The following PGPEP1 variants were observed in gnomAD, a reference collection of about 807,000 sequenced individuals.
PGPEP1 encodes pyroglutamyl-peptidase 1.
A neutral mutation model predicts 24.1 loss-of-function variants in PGPEP1; 15 were observed. The observed-to-expected ratio is 0.62, with a 90% CI of 0.42 to 0.96. The LOEUF (loss-of-function observed/expected upper bound fraction) is 0.96, where lower values mean the gene tolerates loss of function less well. Ranked by LOEUF, PGPEP1 falls within the 40% of genes least tolerant of loss-of-function variation. PGPEP1 has a pLI of 0.00. For synonymous variants in PGPEP1, 122 were observed against 116.4 expected (o/e 1.05, Z -0.31); for missense variants, 242 against 273.4 (o/e 0.89, Z 0.81).
Position 18,357,451 on chromosome 19 carries a change from G to A in PGPEP1, c.273G>A (p.Lys91=). 3.1e-6 allele frequency: 5 copies of A among 1,614,022 alleles called. No individual in the cohort carries two copies. Among genetic ancestry groups the A allele is most frequent in the Non-Finnish European group, 4.2e-6 (5 of 1,179,976 alleles). The stretch of plus-strand genomic sequence containing the variant: ...CACTGGAGAAATGTGGACACAACAA[G>A]GGCTACAAGGGGCTGGACAACTGCC... ...TVTLEKCGHN[K]GYKGLDNCRF... The change falls in exon 4 of 5, where the codon AAG becomes AAA. Residue 91 remains lysine, a synonymous_variant. Transcript: ENST00000269919.
In PGPEP1 at chr19:18,363,401, G is replaced by A. The variant is rs1377019926; in HGVS notation, c.448G>A (p.Asp150Asn). 1.0e-5 allele frequency: 16 copies of A among 1,607,372 alleles called. No individual in the cohort carries two copies. The highest frequency in any genetic ancestry group is 1.2e-5 in the Non-Finnish European group (14 of 1,174,466). The change falls in exon 5 of 5, where the codon GAC becomes AAC. Residue 150 changes from aspartate to asparagine, a missense_variant. Physicochemically the swap from Asp to Asn is conservative, Grantham distance 23. Coordinates refer to ENST00000269919, the MANE Select transcript of PGPEP1 (RefSeq NM_017712.4). ...CGCCCTGCGGCTTAGATATCTCTGC[G>A]ACTTTACCTACTACACCTCTTTGTA... ...ISQDAGRYLC[D>N]FTYYTSLYQS...
intron 4 of PGPEP1, chr19:18,358,086 G>A: frequency 5.4e-6 from 1 of 186,656 alleles, no homozygotes; most frequent in Non-Finnish European, 1.1e-5. Context: ...TCTGTCCCAG[G>A]CCTCTCTCCT....
Position 18,357,523 on chromosome 19 carries a change from C to G in PGPEP1, c.345C>G (p.Ser115Arg). ...SQCCVEDGPE[S>R]IDSIIDMDAV... ...GCTGCGTGGAGGACGGGCCTGAAAG[C>G]ATTGACTCCATCATCGACATGGATG... Residue 115 changes from serine to arginine, a missense_variant, in exon 4 of 5, where the codon AGC becomes AGG. By Grantham distance (110) the Ser-to-Arg change is moderately radical (BLOSUM62 -1). Coordinates refer to ENST00000269919, the MANE Select transcript of PGPEP1 (RefSeq NM_017712.4). 1 of 1,613,452 alleles carries G rather than the reference C, an allele frequency of 6.2e-7. No individual in the cohort carries two copies. The highest frequency in any genetic ancestry group is 8.5e-7 in the Non-Finnish European group (1 of 1,179,722).
rs911325084 is a variant in PGPEP1, at chr19:18,364,340, G to C, written c.*757G>C. On this transcript the variant is annotated 3_prime_UTR_variant, in exon 5 of 5. Transcript: ENST00000269919. ...TTAAGATGCCATGTCTTGGCCAGGC[G>C]CAGTGGCTCATGCCTGTAATCCCAG... The C allele has an allele frequency of 3.3e-5, 5 of 151,876 alleles. No homozygotes were observed. The highest frequency in any genetic ancestry group is 1.2e-4 in the African/African-American group (5 of 41,310). 9.4% of individuals were successfully genotyped at this position (151,876 alleles called of 1,614,324 possible).
chr19:18,346,937 G>T (rs1970865575), intron 2 of PGPEP1, among the ~76,000 whole-genome samples: 1 of 151,734 alleles, frequency 6.6e-6, no homozygotes, highest in African/African-American at 2.4e-5. Context: ...ACCGCACCCG[G>T]CTGTTTCTCT....
chr19:18,345,510 GC>G (rs906310624), intron 2 of PGPEP1, among the ~76,000 whole-genome samples: 5 of 151,594 alleles, frequency 3.3e-5, no homozygotes, highest in Non-Finnish European at 5.9e-5. Flanking sequence ...GGAGGCTGAG[GC>G]AAGGAGTTCG....
intron 2 of PGPEP1, among the ~76,000 whole-genome samples, chr19:18,353,449 A>G (rs1435280288): frequency 6.6e-6 from 1 of 151,992 alleles, no homozygotes; most frequent in African/African-American, 2.4e-5. Flanking sequence ...GGCTAAAGCA[A>G]TCCTCCTGCC....
At chr19:18,351,455 T>A (rs1421065929) in intron 2 of PGPEP1, among the ~76,000 whole-genome samples, 1 of 150,846 alleles carries the variant, frequency 6.6e-6, no homozygotes, top group Non-Finnish European at 1.5e-5. Context: ...AGAAACCCTG[T>A]CTCTACTAAA....
In PGPEP1 at chr19:18,367,543, C is replaced by G. The variant is rs765523261; in HGVS notation, c.*3960C>G. On this transcript the variant is annotated 3_prime_UTR_variant, in exon 5 of 5. Coordinates refer to ENST00000269919, the MANE Select transcript of PGPEP1 (RefSeq NM_017712.4). ...GCGCACTTTTATTCCTTTATTCGGC[C>G]CCTAGCACCCCCTCCCCACCCCAAA... 1 of 151,930 alleles carries G rather than the reference C, an allele frequency of 6.6e-6. No homozygotes were observed. Among genetic ancestry groups the G allele is most frequent in the Non-Finnish European group, 1.5e-5 (1 of 68,032 alleles). The allele number at this position is 151,930 out of a possible 1,614,324, so 9.4% of individuals were successfully genotyped here. A position where few individuals can be genotyped will look rare whatever the true frequency, so the allele number is the denominator to read the frequency against.
At position 18,367,842 on chromosome 19, in the gene PGPEP1, A is replaced by AG; in HGVS notation, c.*4263dup. 2 of 152,196 alleles carry AG rather than the reference A, an allele frequency of 1.3e-5. No homozygotes were observed. Among genetic ancestry groups the AG allele is most frequent in the South Asian group, 4.1e-4 (2 of 4,824 alleles). 9.4% of individuals were successfully genotyped at this position (152,196 alleles called of 1,614,324 possible). The stretch of plus-strand genomic sequence containing the variant: ...AGATGGCAGTAGTTTCTCGGCAAGG[A>AG]GGGGAATCCTGGAGATGGTTCATGT... On this transcript the variant is annotated 3_prime_UTR_variant, in exon 5 of 5. Coordinates refer to ENST00000269919, the MANE Select transcript of PGPEP1 (RefSeq NM_017712.4).
Position 18,355,965 on chromosome 19 carries a change from C to T in PGPEP1, c.158C>T (p.Thr53Ile), listed in dbSNP as rs753919805. Residue 53 changes from threonine (T) to isoleucine (I), a missense_variant, in exon 3 of 5, where the codon ACA becomes ATA. Thr to Ile is a moderately conservative substitution (Grantham distance 89). Coordinates refer to ENST00000269919, the MANE Select transcript of PGPEP1 (RefSeq NM_017712.4). ...TACGAGATTCCGGTTGAGTACCAAA[C>T]AGTCCAGAGACTCATCCCCGCCCTG... ...HVYEIPVEYQ[T>I]VQRLIPALWE... 6.2e-7 allele frequency: 1 copy of T among 1,613,598 alleles called. No homozygotes were observed. Among genetic ancestry groups the T allele is most frequent in the South Asian group, 1.1e-5 (1 of 91,072 alleles).
intron 4 of PGPEP1, chr19:18,361,690 C>A: frequency 1.0e-6 from 1 of 979,028 alleles, no homozygotes; most frequent in Non-Finnish European, 1.2e-6. Flanking sequence ...TTTTCCATAG[C>A]GGTCCCTCTG....
Position 18,365,113 on chromosome 19 carries a change from C to T in PGPEP1, c.*1530C>T, listed in dbSNP as rs958838607. ...TATCTCACTTCCTGGTAACCTTGAA[C>T]TTACCAGGCAGGGATGAGATGACGT... On this transcript the variant is annotated 3_prime_UTR_variant, in exon 5 of 5. Transcript: ENST00000269919. 1 of 152,174 alleles carries T rather than the reference C, an allele frequency of 6.6e-6. No homozygotes were observed. Among genetic ancestry groups the T allele is most frequent in the African/African-American group, 2.4e-5 (1 of 41,424 alleles). 9.4% of individuals were successfully genotyped at this position (152,174 alleles called of 1,614,324 possible). A position where few individuals can be genotyped will look rare whatever the true frequency, so the allele number is the denominator to read the frequency against.
chr19:18,364,983 A>T lies in PGPEP1; in HGVS notation c.*1400A>T, dbSNP rs901812544. 6.6e-6 allele frequency: 1 copy of T among 151,962 alleles called. No homozygotes were observed. The highest frequency in any genetic ancestry group is 6.6e-5 in the Admixed American group (1 of 15,230). 9.4% of individuals were successfully genotyped at this position (151,962 alleles called of 1,614,324 possible). ...GGGGCGCGGGGGCTGGAGTTGGCAG[A>T]GCTCTGCATGTCCCGGCATGTCTGA... On this transcript the variant is annotated 3_prime_UTR_variant, in exon 5 of 5. Transcript: ENST00000269919.
At chr19:18,363,291 T>G in intron 4 of PGPEP1, 100 bp from the exon 5 acceptor site, 1 of 903,078 alleles carries the variant, frequency 1.1e-6, no homozygotes. Flanking sequence ...GCTGGTAAGG[T>G]CTTCCCTTGG....
intron 4 of PGPEP1, among the ~76,000 whole-genome samples, chr19:18,361,504 C>T (rs564528834): frequency 2.8e-4 from 42 of 152,020 alleles, no homozygotes; most frequent in Admixed American, 2.6e-3. Context: ...AGGCTGGTCT[C>T]GAACTCATGG....
chr19:18,341,911 A>AT (rs113532652), intron 1 of PGPEP1, among the ~76,000 whole-genome samples: 9,786 of 144,592 alleles, frequency 0.068, 1,010 homozygotes, highest in African/African-American at 0.22. Context: ...GATGGACCGT[A>AT]TTTTTTTTTT....
At chr19:18,352,703 G>A (rs1048405246) in intron 2 of PGPEP1, among the ~76,000 whole-genome samples, 2 of 150,476 alleles carry the variant, frequency 1.3e-5, no homozygotes, top group African/African-American at 4.9e-5. Context: ...GTACAGGTGC[G>A]CACCATCACG....
At chr19:18,350,903 T>C (rs1191994065) in intron 2 of PGPEP1, among the ~76,000 whole-genome samples, 1 of 152,016 alleles carries the variant, frequency 6.6e-6, no homozygotes, top group Admixed American at 6.6e-5. Flanking sequence ...CCAGCCTCAG[T>C]GACCAGAGCT....
Sources: allele counts gnomAD v4.1 joint callset (sites outside exome capture counted in the v4.1 genomes callset), GRCh38; gene constraint gnomAD v4.1.1; transcripts MANE v1.5; gene names NCBI Gene and HGNC (gene_info 2026-07-23, HGNC 2026-07-21).